RIF1: variants seen among roughly 807,000 people sequenced by gnomAD.
The protein encoded by RIF1 is replication timing regulatory factor 1.
Under a neutral mutation model 247.1 loss-of-function variants are expected in RIF1, and 45 were observed. The observed-to-expected ratio is 0.18, with a 90% CI of 0.14 to 0.23. The LOEUF is 0.23. RIF1 is among the 10% of genes least tolerant of loss of function. RIF1 has a pLI of 1.00. For missense variants in RIF1, 2,967 were observed against 2,862.5 expected (o/e 1.04, Z -0.83); for synonymous variants, 1,087 against 978.8 (o/e 1.11, Z -2.06).
At chr2:151,450,516 G>T (rs1694111095) in intron 20 of RIF1, among the ~76,000 whole-genome samples, 1 of 151,818 alleles carries the variant, frequency 6.6e-6, no homozygotes, top group Non-Finnish European at 1.5e-5. Context: ...AATTCTACTA[G>T]CTTGAAATTT....
intron 35 of RIF1, 114 bp downstream of exon 35, chr2:151,474,186 G>A (rs978069315): frequency 1.5e-6 from 1 of 664,134 alleles, no homozygotes. Context: ...ATTATTTTAT[G>A]TTTAATGTGA....
In RIF1 at chr2:151,506,796, T is replaced by A. The variant is rs1203357535; in HGVS notation, c.*1027+421T>A. The A allele has an allele frequency of 8.6e-5, 62 of 717,456 alleles. 1 individual carries two copies. The highest frequency in any genetic ancestry group is 3.6e-4 in the South Asian group (22 of 60,312). The allele number at this position is 717,456 out of a possible 1,614,324, so 44.4% of individuals were successfully genotyped here. On this transcript the variant is annotated intron_variant and NMD_transcript_variant, in intron 13 of 13. Coordinates refer to the RIF1 transcript ENST00000454583. ...GATTTTAGCAAATCACTGCTAGTATTACTGAGGAGGTTAGATGTTAATTGT... is the reference window on the plus strand; with the variant it reads ...GATTTTAGCAAATCACTGCTAGTATAACTGAGGAGGTTAGATGTTAATTGT...
At position 151,468,537 on chromosome 2, in the gene RIF1, T is replaced by C. The variant is rs200617033; in HGVS notation, c.6811T>C (p.Ser2271Pro). Residue 2271 changes from serine to proline, a missense_variant, in exon 32 of 36, where the codon TCA (serine) becomes CCA (proline). By Grantham distance (74) the Ser-to-Pro change is moderately conservative. Transcript: ENST00000444746. ...PGSRSPKFKSSKKCLISEMAK... is the reference protein window; with the variant it reads ...PGSRSPKFKSPKKCLISEMAK... ...ATCACGTAGCCCTAAATTTAAGAGC[T>C]CAAAGAAGTGTTTAGTAAGAAGTGC... 2.5e-6 allele frequency: 4 copies of C among 1,613,076 alleles called. No homozygotes were observed. Among genetic ancestry groups the C allele is most frequent in the Admixed American group, 1.7e-5 (1 of 60,002 alleles).
the RIF1 span, among the ~76,000 whole-genome samples, chr2:151,522,591 C>T: frequency 6.6e-6 from 1 of 151,464 alleles, no homozygotes; most frequent in Non-Finnish European, 1.5e-5. Context: ...TATCCTTCAA[C>T]AAATTTCCAC....
chr2:151,531,624 T>C, the RIF1 span, among the ~76,000 whole-genome samples: 3 of 152,196 alleles, frequency 2.0e-5, no homozygotes, highest in South Asian at 2.1e-4. Flanking sequence ...GCCACAACAA[T>C]TCTTTATTGG....
intron 10 of RIF1, among the ~76,000 whole-genome samples, chr2:151,499,097 C>CT (rs927526327): frequency 5.9e-5 from 9 of 152,072 alleles, no homozygotes; most frequent in East Asian, 3.9e-4. Flanking sequence ...ATACTGAACA[C>CT]TTTTTTTATT....
At chr2:151,523,858 GC>G in the RIF1 span, among the ~76,000 whole-genome samples, 3,735 of 152,050 alleles carry the variant, frequency 0.025, 57 homozygotes, top group African/African-American at 0.039. Context: ...CTACTTCCTA[GC>G]CCGGGCAGTT....
At chr2:151,413,116 T>C (rs911579306) in intron 3 of RIF1, among the ~76,000 whole-genome samples, 12 of 151,746 alleles carry the variant, frequency 7.9e-5, no homozygotes, top group Admixed American at 7.9e-4. Flanking sequence ...CTTGAACACC[T>C]CCTGGGTTCA....
chr2:151,445,603 A>G (rs1236251497), intron 19 of RIF1, among the ~76,000 whole-genome samples, 158 bp downstream of exon 19: 1 of 151,654 alleles, frequency 6.6e-6, no homozygotes, highest in Non-Finnish European at 1.5e-5. Flanking sequence ...CTTGGAGTAC[A>G]GTGGTGCAAT....
At chr2:151,461,627 C>G (rs918501302) in intron 27 of RIF1, among the ~76,000 whole-genome samples, 10 of 152,016 alleles carry the variant, frequency 6.6e-5, no homozygotes, top group African/African-American at 2.2e-4. Context: ...CTCCTGACCT[C>G]GTGATCTGCC....
the RIF1 span, among the ~76,000 whole-genome samples, chr2:151,529,585 C>T: frequency 1.3e-5 from 2 of 150,858 alleles, no homozygotes; most frequent in African/African-American, 2.4e-5. Flanking sequence ...GGCTGGAGTA[C>T]AATGGTGTGA....
At chr2:151,509,262 C>T (rs1473974009), downstream of RIF1, among the ~76,000 whole-genome samples, 2 of 152,214 alleles carry the variant, frequency 1.3e-5, no homozygotes, top group African/African-American at 4.8e-5. Flanking sequence ...GGTAGTTCAT[C>T]ATGAACAAAT....
chr2:151,443,679 A>G lies in RIF1; in HGVS notation c.1956A>G (p.Ile652Met). 6.2e-7 allele frequency: 1 copy of G among 1,603,028 alleles called. No individual in the cohort carries two copies. The highest frequency in any genetic ancestry group is 8.5e-7 in the Non-Finnish European group (1 of 1,176,878). Residue 652 changes from isoleucine (I) to methionine (M), a missense_variant, in exon 18 of 36, where the codon ATA (isoleucine) becomes ATG (methionine). Physicochemically the swap from Ile to Met is conservative, Grantham distance 10 (BLOSUM62 1). Around this residue, in one of 7 missense-constraint regions of RIF1, gnomAD observed 76 missense variants for 113.3 expected, o/e 0.67. Coordinates refer to ENST00000444746, the MANE Select transcript of RIF1 (RefSeq NM_018151.5). ...KEHLWKMWSV[I>M]VTPLTELINQ... ...ATCTCTGGAAAATGTGGAGTGTTAT[A>G]GTCACCCCATTAACTGAATTGATTA...
chr2:151,457,566 A>G (rs1476338158), intron 23 of RIF1, among the ~76,000 whole-genome samples, 195 bp from the exon 24 acceptor site: 1 of 150,654 alleles, frequency 6.6e-6, no homozygotes, highest in Non-Finnish European at 1.5e-5. Flanking sequence ...AAATAAGTTC[A>G]AAATTGAACT....
chr2:151,426,209 G>T (rs576679998), intron 8 of RIF1, among the ~76,000 whole-genome samples: 1 of 98,898 alleles, frequency 1.0e-5, no homozygotes, highest in Non-Finnish European at 1.9e-5. Flanking sequence ...GAGACTGTCC[G>T]TGTCGCCCAG....
intron 35 of RIF1, 101 bp from the exon 36 acceptor site, chr2:151,474,756 C>A: frequency 2.8e-6 from 2 of 707,334 alleles, no homozygotes; most frequent in Non-Finnish European, 4.8e-6. Flanking sequence ...CCTGCTCTCT[C>A]AATTTGAAAC....
Position 151,443,647 on chromosome 2 carries a change from AAGG to A in RIF1, c.1927_1929del (p.Glu643del), listed in dbSNP as rs1341983409. On this transcript the variant is annotated inframe_deletion, in exon 18 of 36. Transcript: ENST00000444746. ...TCAAAATGCAAAGCAGTTGGAAAAT[AAGG>A]AGCATCTCTGGAAAATGTGGAGTGT... 6.2e-7 allele frequency: 1 copy of A among 1,611,882 alleles called. No homozygotes were observed. The highest frequency in any genetic ancestry group is 1.3e-5 in the African/African-American group (1 of 74,888).
chr2:151,474,268 G>T (rs1364699244), intron 35 of RIF1, among the ~76,000 whole-genome samples, 196 bp downstream of exon 35: 1 of 152,164 alleles, frequency 6.6e-6, no homozygotes, highest in Non-Finnish European at 1.5e-5. Flanking sequence ...CTCCATCAAG[G>T]TCTCAAGGAT....
chr2:151,492,317 T>G lies in RIF1; in HGVS notation c.*416-2912T>G. On this transcript the variant is annotated intron_variant and NMD_transcript_variant, in intron 9 of 13. Coordinates refer to the RIF1 transcript ENST00000454583. ...ATGAATTTGCTTTATGAAAATATGATGGTGTGACTATATCCCTTTTTACAC... is the reference window on the plus strand; with the variant it reads ...ATGAATTTGCTTTATGAAAATATGAGGGTGTGACTATATCCCTTTTTACAC... The G allele has an allele frequency of 1.2e-6, 2 of 1,600,852 alleles. 1 individual carries two copies. Among genetic ancestry groups the G allele is most frequent in the South Asian group, 2.2e-5 (2 of 89,452 alleles).
Sources: gnomAD v4.1 joint callset for allele counts (sites outside exome capture counted in the v4.1 genomes callset) on GRCh38, gnomAD v4.1.1 for gene constraint, gnomAD v4.1.1 regional missense constraint, MANE v1.5 for transcripts, NCBI Gene and HGNC (gene_info 2026-07-23, HGNC 2026-07-21) for gene names.